Variants in ZNF429 observed in about 807,000 individuals in gnomAD.
ZNF429 encodes the protein zinc finger protein 429.
In ZNF429, 53 loss-of-function variants were observed where a neutral mutation model predicts 56.8. That is an observed-to-expected ratio of 0.93 (90% CI 0.75 to 1.17). ZNF429 has a LOEUF of 1.17. Ranked by LOEUF, ZNF429 falls within the 50% of genes most tolerant of loss-of-function variation. The probability of loss-of-function intolerance (pLI) is 0.00; values close to 1 mark genes in which losing one functional copy is unlikely to be tolerated. For synonymous variants in ZNF429, 278 were observed against 264.7 expected (o/e 1.05, Z -0.49); for missense variants, 849 against 788.4 (o/e 1.08, Z -0.92).
intron 1 of ZNF429, among the ~76,000 whole-genome samples, chr19:21,526,991 G>A (rs551719186): frequency 1.3e-5 from 2 of 152,280 alleles, no homozygotes; most frequent in Middle Eastern, 3.4e-3. Context: ...CTTTAAGTAA[G>A]TAGGCCACCT....
rs951967010 is a variant in ZNF429, at chr19:21,538,156, G to T, written c.*78G>T. On this transcript the variant is annotated 3_prime_UTR_variant, in exon 4 of 4. Coordinates refer to ENST00000358491, the MANE Select transcript of ZNF429 (RefSeq NM_001001415.4). ...TAGCCAGGCGTGGTGGTGGGCACTT[G>T]TAGTCCCACCTACTCGGGAGGCTGA... is the stretch of plus-strand genomic sequence containing the variant. 1.9e-5 allele frequency: 12 copies of T among 637,658 alleles called. No homozygotes were observed. The East Asian group carries it at 3.1e-4, about 16-fold the overall frequency. 39.5% of individuals were successfully genotyped at this position (637,658 alleles called of 1,614,324 possible).
chr19:21,520,445 G>T (rs907936435), intron 1 of ZNF429, among the ~76,000 whole-genome samples: 8 of 152,146 alleles, frequency 5.3e-5, no homozygotes, highest in African/African-American at 1.9e-4. Flanking sequence ...ATTTTTCTCT[G>T]ATTTTTGGAA....
intron 1 of ZNF429, among the ~76,000 whole-genome samples, chr19:21,522,356 T>C (rs1301633727): frequency 6.6e-6 from 1 of 152,234 alleles, no homozygotes; most frequent in East Asian, 1.9e-4. Context: ...TTATAATGAC[T>C]ATTTTTCTGT....
rs139317291 is a variant in ZNF429, at chr19:21,537,846, G to A, written c.1793G>A (p.Cys598Tyr). The A allele has an allele frequency of 5.4e-5, 87 of 1,613,774 alleles. No homozygotes were observed. The African/African-American group carries it at 1.1e-3, about 21-fold the overall frequency. ...SGEKPYKCEE[C>Y]GKAFNRSSRL... ...GAGAAACCCTACAAATGTGAAGAAT[G>A]TGGCAAAGCTTTTAATCGGTCCTCA... is the stretch of plus-strand genomic sequence containing the variant. Residue 598 changes from cysteine (C) to tyrosine (Y), a missense_variant, in exon 4 of 4, where the codon TGT becomes TAT. Physicochemically the swap from Cys to Tyr is radical, Grantham distance 194. Transcript: ENST00000358491.
intron 3 of ZNF429, among the ~76,000 whole-genome samples, chr19:21,531,131 C>CAAAAAAAAA: frequency 2.2e-5 from 1 of 44,788 alleles, no homozygotes; most frequent in African/African-American, 1.1e-4. Flanking sequence ...AAAAAAAAAC[C>CAAAAAAAAA]AAAAAAAAAA....
In ZNF429 at chr19:21,538,844, C is replaced by G. The variant is rs1028308950; in HGVS notation, c.*766C>G. On this transcript the variant is annotated 3_prime_UTR_variant, in exon 4 of 4. Transcript: ENST00000358491. ...GTAAGTGCAATTACTGTCAAACAAT[C>G]TTGTAGAAAATATCATCCTTTAAAG... is the stretch of plus-strand genomic sequence containing the variant. Among the ~76,000 whole-genome samples the G allele has an allele frequency of 2.2e-4, 34 of 152,106 alleles. No homozygotes were observed. The highest frequency in any genetic ancestry group is 7.5e-4 in the African/African-American group (31 of 41,428).
At chr19:21,524,719 T>A (rs2033103272) in intron 1 of ZNF429, among the ~76,000 whole-genome samples, 1 of 152,122 alleles carries the variant, frequency 6.6e-6, no homozygotes, top group Non-Finnish European at 1.5e-5. Flanking sequence ...CTGGGAACCC[T>A]CTCTCAATTA....
intron 1 of ZNF429, chr19:21,528,948 A>T (rs1441833256): frequency 1.3e-5 from 2 of 152,134 alleles, no homozygotes; most frequent in Admixed American, 6.5e-5. Context: ...TATAGAGTTG[A>T]TTATTTTTTC....
chr19:21,533,508 G>A, intron 3 of ZNF429, among the ~76,000 whole-genome samples: 1 of 150,648 alleles, frequency 6.6e-6, no homozygotes, highest in Admixed American at 6.6e-5. Flanking sequence ...CTAAGAAAAT[G>A]CGGCCAAGTC....
intron 1 of ZNF429, among the ~76,000 whole-genome samples, chr19:21,509,322 A>G (rs1176643777): frequency 1.3e-5 from 2 of 152,228 alleles, no homozygotes; most frequent in Non-Finnish European, 2.9e-5. Context: ...TTTAATGGAA[A>G]TAATAAAATA....
At chr19:21,507,963 A>G (rs1391927675) in intron 1 of ZNF429, among the ~76,000 whole-genome samples, 1 of 152,172 alleles carries the variant, frequency 6.6e-6, no homozygotes, top group Non-Finnish European at 1.5e-5. Flanking sequence ...AAAAAAGACT[A>G]GTATCTCTGC....
intron 1 of ZNF429, among the ~76,000 whole-genome samples, chr19:21,525,732 A>G (rs1003926336): frequency 2.6e-5 from 3 of 117,624 alleles, no homozygotes; most frequent in Admixed American, 8.8e-5. Context: ...CACAAGTCAC[A>G]ATAAATTAAA....
chr19:21,510,967 C>T lies in ZNF429; in HGVS notation c.3+5193C>T, dbSNP rs550231284. 4.5e-3 allele frequency among the ~76,000 whole-genome samples: 680 copies of T among 152,110 alleles called. 2 individuals carry two copies. Among genetic ancestry groups the T allele is most frequent in the Non-Finnish European group, 6.8e-3 (459 of 67,944 alleles). On this transcript the variant is annotated intron_variant, in intron 1 of 3. Transcript: ENST00000358491. ...TAGTACAGAACAAAATGAAAAGTCT[C>T]CCATGTCTACTTCTTTCTACACAGA...
chr19:21,515,240 C>CTTTTTTTTTTTTTT (rs35926199), intron 1 of ZNF429, among the ~76,000 whole-genome samples: 2 of 128,126 alleles, frequency 1.6e-5, no homozygotes, highest in African/African-American at 2.9e-5. Flanking sequence ...TGTGCCTGGC[C>CTTTTTTTTTTTTTT]TTTTTTTTTT....
rs1260904984 is a variant in ZNF429 at position 21,537,228 on chromosome 19, C to T, written c.1175C>T (p.Thr392Ile). Residue 392 changes from threonine to isoleucine, a missense_variant, in exon 4 of 4, where the codon ACT becomes ATT. Coordinates refer to ENST00000358491, the MANE Select transcript of ZNF429 (RefSeq NM_001001415.4). Reference sequence around the variant, plus strand: ...CTTACTCGACATAAAAAAATTCATACTGGAGAGGAACCCTACAAATTTGAA... The same window carrying T: ...CTTACTCGACATAAAAAAATTCATATTGGAGAGGAACCCTACAAATTTGAA... ...SRLTRHKKIH[T>I]GEEPYKFEKC... 6.2e-7 allele frequency: 1 copy of T among 1,613,520 alleles called. No individual in the cohort carries two copies.
At position 21,539,465 on chromosome 19, in the gene ZNF429, A is replaced by G. The variant is rs1033406435; in HGVS notation, c.*1387A>G. Among the ~76,000 whole-genome samples, 3 of 152,136 alleles carry G rather than the reference A, an allele frequency of 2.0e-5. No homozygotes were observed. Among genetic ancestry groups the G allele is most frequent in the Non-Finnish European group, 2.9e-5 (2 of 68,022 alleles). On this transcript the variant is annotated 3_prime_UTR_variant, in exon 4 of 4. Coordinates refer to ENST00000358491, the MANE Select transcript of ZNF429 (RefSeq NM_001001415.4). ...GAGATGGAGTCTCACTTTGTTGCCT[A>G]CGTTGGAGTTCAGTGGCACAATTTC... is the stretch of plus-strand genomic sequence containing the variant.
intron 1 of ZNF429, among the ~76,000 whole-genome samples, chr19:21,509,875 T>G (rs1272658072): frequency 6.6e-6 from 1 of 152,152 alleles, no homozygotes; most frequent in East Asian, 1.9e-4. Flanking sequence ...GATTGCAAAG[T>G]TTAGGCAGAC....
At chr19:21,515,669 T>C (rs750388841) in intron 1 of ZNF429, among the ~76,000 whole-genome samples, 25 of 152,304 alleles carry the variant, frequency 1.6e-4, no homozygotes, top group Middle Eastern at 6.8e-3. Context: ...ATCTTCATCA[T>C]AAAACTTTGC....
intron 1 of ZNF429, among the ~76,000 whole-genome samples, chr19:21,506,803 C>A (rs754232755): frequency 9.4e-6 from 1 of 105,858 alleles, no homozygotes; most frequent in Non-Finnish European, 1.8e-5. Flanking sequence ...GAGTTTCCCT[C>A]TTCTTGCCCA....
Sources: allele counts gnomAD v4.1 joint callset (sites outside exome capture counted in the v4.1 genomes callset), GRCh38; gene constraint gnomAD v4.1.1; transcripts MANE v1.5; gene names NCBI Gene and HGNC (gene_info 2026-07-23, HGNC 2026-07-21).